ATRX: variants seen among roughly 807,000 people sequenced by gnomAD.
ATRX encodes the protein ATRX chromatin remodeler.
ATRX carries 12 observed loss-of-function variants against 172.6 expected under a neutral mutation model. The ratio of observed to expected loss-of-function variants is 0.07; its 90% CI spans 0.04 to 0.11. The LOEUF is 0.11. Ranked by LOEUF, ATRX falls within the 10% of genes least tolerant of loss-of-function variation. The probability of loss-of-function intolerance (pLI) is 1.00; values close to 1 mark genes in which losing one functional copy is unlikely to be tolerated. For missense variants in ATRX, 1,368 were observed against 1,767.4 expected (o/e 0.77, Z 4.05); for synonymous variants, 674 against 594.7 (o/e 1.13, Z -1.94).
chrX:77,683,984 G>A lies in ATRX; in HGVS notation c.1272C>T (p.Asn424=). 1 of 1,209,038 alleles carries A rather than the reference G, an allele frequency of 8.3e-7. No homozygotes were observed. Among genetic ancestry groups the A allele is most frequent in the Non-Finnish European group, 1.1e-6 (1 of 893,545 alleles). ...TATGCTCTTTGGTATTTTTCTCTTT[G>A]TTTACAGCATCCATCGCTCGAAACT... ...NSEFRAMDAV[N]KEKNTKEHKV... Residue 424 remains asparagine, a synonymous_variant, in exon 9 of 35, where the codon AAC becomes AAT. Transcript: ENST00000373344.
intron 20 of ATRX, among the ~76,000 whole-genome samples, chrX:77,619,237 G>A (rs1164600196): frequency 9.0e-6 from 1 of 111,265 alleles, no homozygotes; most frequent in Non-Finnish European, 1.9e-5. Context: ...CCTAAGGACA[G>A]TTTATTCAAA....
chrX:77,686,925 G>C (rs1028577034), intron 7 of ATRX, among the ~76,000 whole-genome samples: 3 of 108,407 alleles, frequency 2.8e-5, no homozygotes, highest in Non-Finnish European at 3.8e-5. Flanking sequence ...AGGCTGAGAT[G>C]GGTGGATCAC....
At chrX:77,778,028 C>T (rs782434303) in intron 1 of ATRX, among the ~76,000 whole-genome samples, 1 of 106,502 alleles carries the variant, frequency 9.4e-6, no homozygotes, top group East Asian at 3.0e-4. Flanking sequence ...CCCAGCTACT[C>T]GGAGGCTGAG....
chrX:77,725,739 T>C lies in ATRX; in HGVS notation c.21-8496A>G, dbSNP rs781913422. Among the ~76,000 whole-genome samples the C allele has an allele frequency of 1.5e-3, 169 of 112,088 alleles. 1 individual carries two copies. Among genetic ancestry groups the C allele is most frequent in the African/African-American group, 5.3e-3 (162 of 30,850 alleles). ...ATCTACTCATCTGACAAAGGGCTAA[T>C]ATCCAGAATCTACAAAGAACTTAAA... On this transcript the variant is annotated intron_variant, in intron 1 of 34. Coordinates refer to ENST00000373344, the MANE Select transcript of ATRX (RefSeq NM_000489.6).
At chrX:77,613,512 C>T (rs782003098) in intron 22 of ATRX, among the ~76,000 whole-genome samples, 12 of 111,976 alleles carry the variant, frequency 1.1e-4, no homozygotes, top group Non-Finnish European at 2.1e-4. Context: ...ATAAACCACA[C>T]GGGTCCACTT....
At chrX:77,779,227 G>A (rs1394185928) in intron 1 of ATRX, among the ~76,000 whole-genome samples, 1 of 106,502 alleles carries the variant, frequency 9.4e-6, no homozygotes, top group Non-Finnish European at 1.9e-5. Flanking sequence ...ACAGGTGTGA[G>A]CCACGGCGCC....
At chrX:77,704,616 C>G (rs1407273454) in intron 2 of ATRX, among the ~76,000 whole-genome samples, 2 of 112,171 alleles carry the variant, frequency 1.8e-5, no homozygotes, top group Non-Finnish European at 3.8e-5. Flanking sequence ...GCTGAACTGC[C>G]CTCAGCCCTG....
At chrX:77,652,806 CAA>C (rs1157989117) in intron 14 of ATRX, among the ~76,000 whole-genome samples, 1 of 67,872 alleles carries the variant, frequency 1.5e-5, no homozygotes. Flanking sequence ...GACTCTGTCT[CAA>C]AAAAAAAAAA....
Position 77,755,701 on chromosome X carries a change from G to C in ATRX, c.20+30281C>G, listed in dbSNP as rs912446147. On this transcript the variant is annotated intron_variant, in intron 1 of 34. Coordinates refer to ENST00000373344, the MANE Select transcript of ATRX (RefSeq NM_000489.6). ...AATATTGCTGCCTGCTCCTTCCTCT[G>C]GGAGCTTCGTCCCAGAAGGGCACCA... 7.2e-5 allele frequency among the ~76,000 whole-genome samples: 8 copies of C among 111,776 alleles called. No homozygotes were observed. In the South Asian group the frequency reaches 3.0e-3, roughly 42 times the overall value.
Position 77,508,463 on chromosome X carries a change from A to G in ATRX, c.7367T>C (p.Met2456Thr), listed in dbSNP as rs2147648215. The change falls in exon 35 of 35, where the codon ATG (methionine) becomes ACG (threonine). Residue 2456 changes from methionine (M) to threonine (T), a missense_variant. Met to Thr is a moderately conservative substitution (Grantham distance 81). Around this residue, in one of 17 missense-constraint regions of ATRX, gnomAD observed 100 missense variants for 153.9 expected, o/e 0.65. Coordinates refer to ENST00000373344, the MANE Select transcript of ATRX (RefSeq NM_000489.6). ...AGCCACTGGCTGATACATTCCTCTC[A>G]TATCAATCTGCTGGTAGTTAGAAGG... is the stretch of plus-strand genomic sequence containing the variant. ...MNPSNYQQID[M>T]RGMYQPVAGG... 8.3e-7 allele frequency: 1 copy of G among 1,211,602 alleles called. No homozygotes were observed. Among genetic ancestry groups the G allele is most frequent in the Non-Finnish European group, 1.1e-6 (1 of 895,486 alleles).
At chrX:77,549,076 C>A (rs782030045) in intron 30 of ATRX, among the ~76,000 whole-genome samples, 65 of 111,957 alleles carry the variant, frequency 5.8e-4, no homozygotes, top group African/African-American at 2.1e-3. Flanking sequence ...AAAACACCCA[C>A]TTAAGCATAT....
intron 30 of ATRX, among the ~76,000 whole-genome samples, chrX:77,549,609 C>G (rs893963585): frequency 4.5e-5 from 5 of 112,294 alleles, no homozygotes; most frequent in Admixed American, 3.8e-4. Flanking sequence ...TTGCTAGAAA[C>G]TTGTGTTAAA....
Position 77,562,661 on chromosome X carries a change from C to T in ATRX, c.6327-3815G>A, listed in dbSNP as rs138294284. On this transcript the variant is annotated intron_variant, in intron 28 of 34. Coordinates refer to ENST00000373344, the MANE Select transcript of ATRX (RefSeq NM_000489.6). ...CTGGGCTCAAGTGATCCTCCTTCCT[C>T]AGCCTCCTAAGTAGTTATGACTATA... Among the ~76,000 whole-genome samples the T allele has an allele frequency of 2.4e-3, 263 of 111,705 alleles. 2 individuals carry two copies. Among genetic ancestry groups the T allele is most frequent in the African/African-American group, 8.1e-3 (250 of 30,709 alleles).
intron 15 of ATRX, among the ~76,000 whole-genome samples, chrX:77,646,879 C>T (rs1176927299): frequency 2.8e-5 from 3 of 107,602 alleles, no homozygotes; most frequent in African/African-American, 6.8e-5. Flanking sequence ...GCTATGATCA[C>T]GTCACTGCAC....
chrX:77,775,656 G>T (rs2076321606), intron 1 of ATRX, among the ~76,000 whole-genome samples: 2 of 111,516 alleles, frequency 1.8e-5, no homozygotes, highest in Admixed American at 1.9e-4. Context: ...ATGCACTCCA[G>T]CCTGAGTGAC....
intron 22 of ATRX, among the ~76,000 whole-genome samples, chrX:77,613,009 G>T (rs2067220955): frequency 9.0e-6 from 1 of 111,197 alleles, no homozygotes; most frequent in Admixed American, 9.6e-5. Flanking sequence ...TGGACATTTG[G>T]GTTGCTTCCA....
intron 28 of ATRX, among the ~76,000 whole-genome samples, chrX:77,573,247 T>C (rs1441601810): frequency 9.0e-6 from 1 of 111,533 alleles, no homozygotes; most frequent in East Asian, 2.8e-4. Flanking sequence ...TGTGTTCCAA[T>C]TGCCTACAGT....
intron 2 of ATRX, among the ~76,000 whole-genome samples, chrX:77,705,774 T>A (rs919988613): frequency 8.9e-5 from 10 of 111,889 alleles, no homozygotes; most frequent in African/African-American, 3.2e-4. Context: ...GCAGATAATT[T>A]TGAAAAATGA....
chrX:77,556,503 G>A (rs892165649), intron 30 of ATRX, among the ~76,000 whole-genome samples: 6 of 110,122 alleles, frequency 5.4e-5, no homozygotes, highest in Middle Eastern at 4.7e-3. Flanking sequence ...GTACCCTTGT[G>A]TAATCACAAA....
Sources: gnomAD v4.1 joint callset for allele counts (sites outside exome capture counted in the v4.1 genomes callset) on GRCh38, gnomAD v4.1.1 for gene constraint, gnomAD v4.1.1 regional missense constraint, MANE v1.5 for transcripts, NCBI Gene and HGNC (gene_info 2026-07-23, HGNC 2026-07-21) for gene names.